The following RIMS3 variants were observed in gnomAD, a reference collection of about 807,000 sequenced individuals.
RIMS3 encodes the protein regulating synaptic membrane exocytosis 3.
Under a neutral mutation model 29.2 loss-of-function variants are expected in RIMS3, and 15 were observed. That is an observed-to-expected ratio of 0.51 (90% CI 0.34 to 0.79). The LOEUF (loss-of-function observed/expected upper bound fraction) is 0.79, where lower values mean the gene tolerates loss of function less well. RIMS3 is among the 30% of genes least tolerant of loss of function. The pLI is 0.01. For synonymous variants in RIMS3, 161 were observed against 170.1 expected, an observed-to-expected ratio of 0.95 and a Z score of 0.41; for missense variants, 342 against 421.4, an observed-to-expected ratio of 0.81 and a Z score of 1.65.
the RIMS3 span, among the ~76,000 whole-genome samples, chr1:40,677,077 C>T: frequency 6.3e-4 from 96 of 151,712 alleles, no homozygotes; most frequent in African/African-American, 2.2e-3. Flanking sequence ...CAGCTCACTG[C>T]AACCTCTGCC....
chr1:40,676,677 T>G, the RIMS3 span, among the ~76,000 whole-genome samples: 3 of 152,190 alleles, frequency 2.0e-5, no homozygotes, highest in Non-Finnish European at 4.4e-5. Context: ...ACAAAAAAAG[T>G]TTCCTTCTTT....
intron 3 of RIMS3, among the ~76,000 whole-genome samples, chr1:40,638,384 C>G (rs553831736): frequency 2.0e-5 from 3 of 152,222 alleles, no homozygotes; most frequent in African/African-American, 7.2e-5. Flanking sequence ...TGGCTTCATA[C>G]ATGAATAGTC....
At chr1:40,644,767 T>G (rs892828137) in intron 2 of RIMS3, among the ~76,000 whole-genome samples, 1 of 152,230 alleles carries the variant, frequency 6.6e-6, no homozygotes, top group South Asian at 2.1e-4. Flanking sequence ...AGCACCCTAC[T>G]GGCTCTGTCC....
intron 1 of RIMS3, among the ~76,000 whole-genome samples, chr1:40,653,189 C>T (rs1642216800): frequency 6.6e-6 from 1 of 151,900 alleles, no homozygotes; most frequent in Non-Finnish European, 1.5e-5. Flanking sequence ...GGTGAGTAGG[C>T]AGGATTTGGG....
chr1:40,661,931 G>A (rs752045561), intron 1 of RIMS3, among the ~76,000 whole-genome samples: 1 of 152,168 alleles, frequency 6.6e-6, no homozygotes, highest in Non-Finnish European at 1.5e-5. Flanking sequence ...CAGAGAGAAG[G>A]AGCTGGAGGG....
rs151256641 is a variant in RIMS3, at chr1:40,654,151, T to TCCCGCCCCTCCCCCTC, written c.-206-6325_-206-6310dup. Among the ~76,000 whole-genome samples, 2 of 141,044 alleles carry TCCCGCCCCTCCCCCTC rather than the reference T, an allele frequency of 1.4e-5. No individual in the cohort carries two copies. Among genetic ancestry groups the TCCCGCCCCTCCCCCTC allele is most frequent in the Admixed American group, 7.0e-5 (1 of 14,380 alleles). 92.5% of individuals were successfully genotyped at this position (141,044 alleles called of 152,430 possible). On this transcript the variant is annotated intron_variant, in intron 1 of 7. Transcript: ENST00000372684. This position sits in a 1 kb window ranked among gnomAD's most constrained non-coding sequence, Gnocchi z 5.3. ...GCCCTCCCATCTCCTCCCCTCCCCT[T>TCCCGCCCCTCCCCCTC]CCCGCCCCTCCCCCTCCCCGCCCCT... is the stretch of plus-strand genomic sequence containing the variant.
At chr1:40,646,278 A>G (rs1471074634) in intron 2 of RIMS3, among the ~76,000 whole-genome samples, 1 of 152,110 alleles carries the variant, frequency 6.6e-6, no homozygotes, top group Non-Finnish European at 1.5e-5. Flanking sequence ...ACAGATAGGG[A>G]ACCTAAAAGG....
rs56394507 is a variant in RIMS3 at position 40,632,418 on chromosome 1, T to TTATATA, written c.472+645_472+650dup. ...TCCATATGAAAAAATACATATAAAT[T>TTATATA]TATATATATATATATATATATATAT... On this transcript the variant is annotated intron_variant, in intron 5 of 7. Coordinates refer to ENST00000372684, the MANE Select transcript of RIMS3 (RefSeq NM_014747.3). Among the ~76,000 whole-genome samples the TTATATA allele has an allele frequency of 2.9e-3, 259 of 87,926 alleles. 2 individuals carry two copies. The highest frequency in any genetic ancestry group is 4.1e-3 in the East Asian group (11 of 2,670). 57.7% of individuals were successfully genotyped at this position (87,926 alleles called of 152,430 possible).
chr1:40,689,202 G>A, the RIMS3 span, among the ~76,000 whole-genome samples: 1 of 152,210 alleles, frequency 6.6e-6, no homozygotes, highest in Non-Finnish European at 1.5e-5. Flanking sequence ...AGGACATGCT[G>A]CTCTTGTGTC....
chr1:40,656,573 C>T (rs765913472), intron 1 of RIMS3, among the ~76,000 whole-genome samples: 5 of 152,056 alleles, frequency 3.3e-5, no homozygotes, highest in Admixed American at 6.5e-5. Flanking sequence ...CAACTGAGGT[C>T]GGGAGTTCAT....
At chr1:40,642,816 C>T (rs1189496064) in intron 2 of RIMS3, among the ~76,000 whole-genome samples, 1 of 104,224 alleles carries the variant, frequency 9.6e-6, no homozygotes, top group Non-Finnish European at 2.2e-5. Flanking sequence ...ATTAGCTGGG[C>T]GTGGTGGTGG....
the RIMS3 span, among the ~76,000 whole-genome samples, chr1:40,687,274 C>A: frequency 9.9e-5 from 15 of 152,096 alleles, no homozygotes; most frequent in Non-Finnish European, 1.6e-4. Context: ...ACAACGTGAA[C>A]AGGCTTAATG....
the RIMS3 span, among the ~76,000 whole-genome samples, chr1:40,680,101 G>T: frequency 5.3e-5 from 8 of 151,780 alleles, no homozygotes; most frequent in African/African-American, 9.7e-5. Flanking sequence ...TTTGAGACTC[G>T]CCTGGGCAAC....
chr1:40,649,993 C>T (rs879470131), intron 1 of RIMS3, among the ~76,000 whole-genome samples: 3 of 128,138 alleles, frequency 2.3e-5, no homozygotes, highest in African/African-American at 3.6e-5. Flanking sequence ...GCAAGACCTA[C>T]AAGACTGAGC....
At chr1:40,631,074 T>A (rs1402026114) in intron 5 of RIMS3, among the ~76,000 whole-genome samples, 1 of 151,788 alleles carries the variant, frequency 6.6e-6, no homozygotes, top group African/African-American at 2.4e-5. Flanking sequence ...GCTGGGAGGG[T>A]CAAAGGTTGA....
rs1182166150 is a variant in RIMS3 at position 40,623,419 on chromosome 1, C to T, written c.*3098G>A. 2 of 398,498 alleles carry T rather than the reference C, an allele frequency of 5.0e-6. No individual in the cohort carries two copies. The highest frequency in any genetic ancestry group is 8.8e-6 in the Non-Finnish European group (2 of 226,114). The allele number at this position is 398,498 out of a possible 1,614,324, so 24.7% of individuals were successfully genotyped here. ...CAGAGCAGAAATACAAAGACAGACGCTCTGAGTCATCCATCACTGTCCCTG... is the reference window on the plus strand; with the variant it reads ...CAGAGCAGAAATACAAAGACAGACGTTCTGAGTCATCCATCACTGTCCCTG... On this transcript the variant is annotated 3_prime_UTR_variant, in exon 8 of 8. Coordinates refer to ENST00000372684, the MANE Select transcript of RIMS3 (RefSeq NM_014747.3).
chr1:40,628,984 C>T (rs1417335857), intron 6 of RIMS3, 35 bp from the exon 7 acceptor site: 2 of 1,611,988 alleles, frequency 1.2e-6, no homozygotes, highest in South Asian at 2.2e-5. Flanking sequence ...AGGGAGGGGT[C>T]CAGGACAGAC....
the RIMS3 span, among the ~76,000 whole-genome samples, chr1:40,688,746 T>C: frequency 2.6e-5 from 4 of 152,166 alleles, no homozygotes; most frequent in Non-Finnish European, 4.4e-5. Flanking sequence ...TGTGGCTTAA[T>C]TGAGATGAGG....
intron 1 of RIMS3, among the ~76,000 whole-genome samples, chr1:40,656,283 C>A (rs1642272119): frequency 6.6e-6 from 1 of 152,062 alleles, no homozygotes; most frequent in Non-Finnish European, 1.5e-5. Context: ...AACTTTAATG[C>A]AACTATTTTC....
Sources: gnomAD v4.1 joint callset for allele counts (sites outside exome capture counted in the v4.1 genomes callset) on GRCh38, gnomAD v4.1.1 for gene constraint, Gnocchi (gnomAD v3.1) non-coding constraint, MANE v1.5 for transcripts, NCBI Gene and HGNC (gene_info 2026-07-23, HGNC 2026-07-21) for gene names.